The following LPP variants were observed in gnomAD, a reference collection of about 807,000 sequenced individuals.
The protein encoded by LPP is lipoma-preferred partner.
In LPP, 38 loss-of-function variants were observed where a neutral mutation model predicts 60.4. The ratio of observed to expected loss-of-function variants is 0.63; its 90% CI spans 0.49 to 0.83. The LOEUF is 0.83. Ranked by LOEUF, LPP falls within the 40% of genes least tolerant of loss-of-function variation. The pLI is 0.00. For missense variants in LPP, 902 were observed against 783.6 expected, an observed-to-expected ratio of 1.15 and a Z score of -1.80; for synonymous variants, 328 against 290.8, an observed-to-expected ratio of 1.13 and a Z score of -1.30.
At chr3:188,416,107 A>AC (rs1786202181) in intron 4 of LPP, among the ~76,000 whole-genome samples, 1 of 151,648 alleles carries the variant, frequency 6.6e-6, no homozygotes, top group Non-Finnish European at 1.5e-5. Flanking sequence ...CATATTTAAA[A>AC]AAAAATTAAT....
intron 7 of LPP, among the ~76,000 whole-genome samples, chr3:188,658,194 A>G (rs1180192767): frequency 1.3e-5 from 1 of 75,258 alleles, no homozygotes. Flanking sequence ...CCCAGGCTGG[A>G]GTGCAACAGC....
chr3:188,384,329 C>CGT (rs1560331554), intron 3 of LPP, among the ~76,000 whole-genome samples: 1 of 14,754 alleles, frequency 6.8e-5, no homozygotes, highest in Middle Eastern at 0.036. Context: ...TATGTATGTG[C>CGT]ATGTGTGTGT....
chr3:188,726,284 G>A (rs534180312), intron 8 of LPP, among the ~76,000 whole-genome samples: 10 of 152,242 alleles, frequency 6.6e-5, no homozygotes, highest in Admixed American at 2.6e-4. Flanking sequence ...TCAAAGGGGC[G>A]TAAGAGGGAT....
chr3:188,444,887 ACCT>A (rs1307245728), intron 4 of LPP, among the ~76,000 whole-genome samples: 6 of 152,180 alleles, frequency 3.9e-5, no homozygotes, highest in Admixed American at 3.9e-4. Flanking sequence ...TGGAAAAAAA[ACCT>A]CACTATCACT....
chr3:188,261,898 C>T (rs1189348503), intron 2 of LPP, among the ~76,000 whole-genome samples: 1 of 152,214 alleles, frequency 6.6e-6, no homozygotes, highest in Non-Finnish European at 1.5e-5. Context: ...GCTTGGGTCA[C>T]AGAGTGCAAC....
At chr3:188,346,347 C>T (rs1764375889) in intron 3 of LPP, among the ~76,000 whole-genome samples, 1 of 149,084 alleles carries the variant, frequency 6.7e-6, no homozygotes, top group African/African-American at 2.5e-5. Flanking sequence ...GCAGCCTCCG[C>T]CTCCCAGGTT....
chr3:188,429,463 A>C (rs190118698), intron 4 of LPP, among the ~76,000 whole-genome samples: 3 of 152,306 alleles, frequency 2.0e-5, no homozygotes, highest in Non-Finnish European at 4.4e-5. Context: ...CCTCTTAGGC[A>C]ATCTTAGGTT....
chr3:188,623,286 G>A (rs907300272), intron 7 of LPP, among the ~76,000 whole-genome samples: 8 of 144,486 alleles, frequency 5.5e-5, no homozygotes, highest in Non-Finnish European at 9.0e-5. Context: ...GAAAGAGAGC[G>A]TCACTCTATC....
chr3:188,320,854 A>G (rs921917474), intron 2 of LPP, among the ~76,000 whole-genome samples: 7 of 152,198 alleles, frequency 4.6e-5, no homozygotes, highest in African/African-American at 1.7e-4. Flanking sequence ...TGATCTAGAA[A>G]AAAGAGATTG....
chr3:188,620,745 C>T (rs1339586390), intron 7 of LPP, among the ~76,000 whole-genome samples: 1 of 152,072 alleles, frequency 6.6e-6, no homozygotes, highest in Non-Finnish European at 1.5e-5. Flanking sequence ...ATGGGGCTAC[C>T]CCATTTTCCA....
In LPP at chr3:188,169,680, T is replaced by G. The variant is rs895165771; in HGVS notation, c.-190+15428T>G. On this transcript the variant is annotated intron_variant, in intron 1 of 11. Transcript: ENST00000617246. The stretch of plus-strand genomic sequence containing the variant: ...AGGTTTGTTTCCCAAAGTTATTTGA[T>G]CATAGAACCCCTGCACCCCACTACT... Among the ~76,000 whole-genome samples the G allele has an allele frequency of 2.6e-5, 4 of 152,284 alleles. No individual in the cohort carries two copies. The East Asian group carries it at 7.7e-4, about 29-fold the overall frequency.
intron 7 of LPP, among the ~76,000 whole-genome samples, chr3:188,648,977 G>A (rs1851595220): frequency 6.6e-6 from 1 of 152,178 alleles, no homozygotes; most frequent in Non-Finnish European, 1.5e-5. Flanking sequence ...GGAAAAGAGT[G>A]TTTGCTTGAT....
In LPP at chr3:188,634,534, G is replaced by A. The variant is rs550441903; in HGVS notation, c.1113+24690G>A. The stretch of plus-strand genomic sequence containing the variant: ...GGTGGTCAGTGGCGGGCAAGTGGGC[G>A]AAGCTTCATCTGTATTTACAGCCAC... On this transcript the variant is annotated intron_variant, in intron 7 of 11. Coordinates refer to ENST00000617246, the MANE Select transcript of LPP (RefSeq NM_001375462.1). 6.8e-4 allele frequency among the ~76,000 whole-genome samples: 104 copies of A among 152,314 alleles called. 1 individual carries two copies. The highest frequency in any genetic ancestry group is 3.7e-3 in the South Asian group (18 of 4,830).
intron 2 of LPP, among the ~76,000 whole-genome samples, chr3:188,285,391 A>T (rs1743593232): frequency 1.3e-5 from 2 of 152,002 alleles, no homozygotes; most frequent in South Asian, 4.2e-4. Context: ...CTTGGATAGT[A>T]TGGTTACTGA....
At chr3:188,373,691 T>C (rs1282686588) in intron 3 of LPP, among the ~76,000 whole-genome samples, 2 of 152,204 alleles carry the variant, frequency 1.3e-5, no homozygotes, top group Non-Finnish European at 2.9e-5. Flanking sequence ...TCTTTTGCTG[T>C]GCAGAAGCTC....
intron 6 of LPP, among the ~76,000 whole-genome samples, chr3:188,582,367 G>T (rs1342836705): frequency 4.6e-5 from 7 of 151,180 alleles, no homozygotes; most frequent in African/African-American, 1.7e-4. Flanking sequence ...TTTTATTAGA[G>T]ATGGGGTTTC....
intron 9 of LPP, among the ~76,000 whole-genome samples, chr3:188,839,998 T>TA (rs530669490): frequency 6.6e-6 from 1 of 152,332 alleles, no homozygotes; most frequent in African/African-American, 2.4e-5. Context: ...ATATATGATA[T>TA]AAAAATGCAT....
intron 7 of LPP, among the ~76,000 whole-genome samples, chr3:188,707,622 C>A (rs75028213): frequency 6.6e-6 from 1 of 152,192 alleles, no homozygotes; most frequent in Non-Finnish European, 1.5e-5. Flanking sequence ...CCAAAATGTT[C>A]GCTTTCTGGA....
At chr3:188,556,384 G>C (rs1008056321) in intron 6 of LPP, among the ~76,000 whole-genome samples, 1 of 151,878 alleles carries the variant, frequency 6.6e-6, no homozygotes, top group African/African-American at 2.4e-5. Flanking sequence ...GATATGTTTT[G>C]TCTCATAGGT....
Sources: allele counts gnomAD v4.1 joint callset (sites outside exome capture counted in the v4.1 genomes callset), GRCh38; gene constraint gnomAD v4.1.1; transcripts MANE v1.5; gene names NCBI Gene and HGNC (gene_info 2026-07-23, HGNC 2026-07-21).